AGMO: variants seen among roughly 807,000 people sequenced by gnomAD.
The protein encoded by AGMO is glyceryl-ether monooxygenase.
In AGMO, 75 loss-of-function variants were observed where a neutral mutation model predicts 60.2. The observed-to-expected ratio is 1.25, with a 90% CI of 1.03 to 1.51. The LOEUF is 1.51. Among genes scored for constraint, AGMO ranks in the 40% most tolerant of loss-of-function variants. The pLI is 0.00. For missense variants in AGMO, 763 were observed against 525.5 expected (o/e 1.45, Z -4.42); for synonymous variants, 261 against 177.1 (o/e 1.47, Z -3.76).
the AGMO span, among the ~76,000 whole-genome samples, chr7:15,148,632 T>C: frequency 6.6e-6 from 1 of 152,158 alleles, no homozygotes; most frequent in East Asian, 1.9e-4. Context: ...ACTGACTGCA[T>C]CCATGTTGCA....
intron 10 of AGMO, among the ~76,000 whole-genome samples, chr7:15,376,065 A>G (rs1211535202): frequency 1.3e-5 from 2 of 152,122 alleles, no homozygotes; most frequent in African/African-American, 4.8e-5. Flanking sequence ...ACTTTTCTAC[A>G]TTTCTGTAGT....
At chr7:15,191,106 G>A in the AGMO span, among the ~76,000 whole-genome samples, 34,776 of 151,842 alleles carry the variant, frequency 0.23, 4,981 homozygotes, top group African/African-American at 0.4. Flanking sequence ...GTTATTTTAA[G>A]GAGCTTAAAG....
intron 9 of AGMO, 145 bp downstream of exon 9, chr7:15,387,261 A>G: frequency 2.3e-6 from 2 of 888,580 alleles, no homozygotes; most frequent in Non-Finnish European, 3.4e-6. Context: ...ATACTCATTA[A>G]GTAAGTTATG....
At chr7:15,309,378 T>C (rs927339043) in intron 12 of AGMO, among the ~76,000 whole-genome samples, 2 of 152,086 alleles carry the variant, frequency 1.3e-5, no homozygotes, top group African/African-American at 2.4e-5. Flanking sequence ...TTAACAGCTC[T>C]CTGTGTTGTG....
chr7:15,222,873 C>A (rs1032895211), intron 12 of AGMO, among the ~76,000 whole-genome samples: 3 of 151,732 alleles, frequency 2.0e-5, no homozygotes, highest in Non-Finnish European at 4.4e-5. Flanking sequence ...CCCCAACATG[C>A]GTAACAAAAA....
chr7:15,195,265 G>T, the AGMO span, among the ~76,000 whole-genome samples: 1 of 152,186 alleles, frequency 6.6e-6, no homozygotes, highest in Non-Finnish European at 1.5e-5. Context: ...AAACACAAAA[G>T]AAGTGAGTTG....
intron 12 of AGMO, among the ~76,000 whole-genome samples, chr7:15,351,555 C>G (rs1420095932): frequency 3.3e-5 from 5 of 152,062 alleles, no homozygotes; most frequent in Admixed American, 1.3e-4. Context: ...ATATCATGTG[C>G]GTATCATGTA....
At chr7:15,278,578 T>C (rs937814897) in intron 12 of AGMO, among the ~76,000 whole-genome samples, 2 of 152,074 alleles carry the variant, frequency 1.3e-5, no homozygotes, top group Admixed American at 6.6e-5. Context: ...ATGGGAGCTC[T>C]AGCGCGTTTC....
intron 12 of AGMO, among the ~76,000 whole-genome samples, chr7:15,263,440 G>T (rs978745936): frequency 4.0e-5 from 6 of 151,846 alleles, no homozygotes; most frequent in African/African-American, 1.4e-4. Context: ...CATAGATGTG[G>T]TAAAAAGGGA....
At chr7:15,254,323 T>C (rs990688565) in intron 12 of AGMO, among the ~76,000 whole-genome samples, 8 of 152,186 alleles carry the variant, frequency 5.3e-5, no homozygotes, top group African/African-American at 1.9e-4. Context: ...CATTTTTTCA[T>C]AATGGCTGTG....
intron 12 of AGMO, among the ~76,000 whole-genome samples, chr7:15,218,331 G>GTGTT (rs1404026099): frequency 6.8e-6 from 1 of 147,206 alleles, no homozygotes; most frequent in Non-Finnish European, 1.5e-5. Flanking sequence ...GTGTGTATGT[G>GTGTT]TGTGTGTGTG....
At chr7:15,216,088 T>C (rs1023863336) in intron 12 of AGMO, among the ~76,000 whole-genome samples, 1 of 152,038 alleles carries the variant, frequency 6.6e-6, no homozygotes, top group South Asian at 2.1e-4. Context: ...GGCTCACACA[T>C]ACACAAAGCT....
chr7:15,264,810 GA>G (rs1783383314), intron 12 of AGMO, among the ~76,000 whole-genome samples: 1 of 152,094 alleles, frequency 6.6e-6, no homozygotes, highest in Non-Finnish European at 1.5e-5. Context: ...GGGAGAAAAG[GA>G]AACACTTATA....
At chr7:15,304,544 A>G (rs773617885) in intron 12 of AGMO, among the ~76,000 whole-genome samples, 3 of 152,128 alleles carry the variant, frequency 2.0e-5, no homozygotes, top group Admixed American at 6.6e-5. Flanking sequence ...TAAGGAAGAT[A>G]AAGTGGAAAG....
At chr7:15,370,531 T>C (rs147371489) in intron 10 of AGMO, among the ~76,000 whole-genome samples, 208 of 152,356 alleles carry the variant, frequency 1.4e-3, no homozygotes, top group African/African-American at 4.6e-3. Flanking sequence ...TGTTCCCTTT[T>C]CTTTTTAGCC....
intron 12 of AGMO, among the ~76,000 whole-genome samples, chr7:15,289,229 GTTATTT>G (rs1175824797): frequency 3.3e-5 from 5 of 151,722 alleles, no homozygotes; most frequent in African/African-American, 7.3e-5. Flanking sequence ...CAATAAGGAC[GTTATTT>G]TTAAGTTTTC....
At chr7:15,336,117 T>C (rs1781651836) in intron 12 of AGMO, among the ~76,000 whole-genome samples, 1 of 152,154 alleles carries the variant, frequency 6.6e-6, no homozygotes, top group Non-Finnish European at 1.5e-5. Context: ...TTTATTTAAA[T>C]TCTTGCATTC....
intron 5 of AGMO, among the ~76,000 whole-genome samples, chr7:15,408,419 T>C (rs996115970): frequency 6.6e-6 from 1 of 151,842 alleles, no homozygotes; most frequent in African/African-American, 2.4e-5. Context: ...AATTCTGTTG[T>C]AACCATCTAT....
intron 12 of AGMO, among the ~76,000 whole-genome samples, chr7:15,281,955 G>C (rs1481350086): frequency 6.6e-6 from 1 of 152,028 alleles, no homozygotes; most frequent in African/African-American, 2.4e-5. Flanking sequence ...GCCCTCTATA[G>C]CCTAGGAACC....
Sources: gnomAD v4.1 joint callset for allele counts (sites outside exome capture counted in the v4.1 genomes callset) on GRCh38, gnomAD v4.1.1 for gene constraint, MANE v1.5 for transcripts, NCBI Gene and HGNC (gene_info 2026-07-23, HGNC 2026-07-21) for gene names.